Variants in SYNE2 observed in about 807,000 individuals in gnomAD.
SYNE2 encodes nesprin-2.
A neutral mutation model predicts 856.3 loss-of-function variants in SYNE2; 431 were observed. The ratio of observed to expected loss-of-function variants is 0.50; its 90% CI spans 0.47 to 0.55. SYNE2 has a LOEUF of 0.55. Ranked by LOEUF, SYNE2 falls within the 20% of genes least tolerant of loss-of-function variation. The probability of loss-of-function intolerance (pLI) is 0.00; values close to 1 mark genes in which losing one functional copy is unlikely to be tolerated. For synonymous variants in SYNE2, 2,923 were observed against 2,872.3 expected, an observed-to-expected ratio of 1.02 and a Z score of -0.56; for missense variants, 8,129 against 8,023.2, an observed-to-expected ratio of 1.01 and a Z score of -0.50.
chr14:63,768,817 T>TC (rs1886785563), intron 1 of SYNE2, among the ~76,000 whole-genome samples: 1 of 152,084 alleles, frequency 6.6e-6, no homozygotes, highest in Non-Finnish European at 1.5e-5. Flanking sequence ...ATATCACTAG[T>TC]CTGGCTTCCA....
chr14:63,892,556 A>C (rs1015611829), intron 1 of SYNE2, among the ~76,000 whole-genome samples: 2 of 152,080 alleles, frequency 1.3e-5, no homozygotes, highest in African/African-American at 2.4e-5. Flanking sequence ...GAGAAAAAAA[A>C]AATGTCAAAA....
rs754592360 is a variant in SYNE2, at chr14:64,128,524, A to G, written c.13990A>G (p.Ser4664Gly). Reference protein sequence around the residue: ...TSLQQSLNEISGQSVAEQLQK... With the variant: ...TSLQQSLNEIGGQSVAEQLQK... ...TTTACAACAGTCTTTGAATGAAATC[A>G]GTGGGCAGAGTGTTGCTGAACAGCT... is the stretch of plus-strand genomic sequence containing the variant. Residue 4664 changes from serine (S) to glycine (G), a missense_variant, in exon 74 of 116, where the codon AGT becomes GGT. Physicochemically the swap from Ser to Gly is moderately conservative, Grantham distance 56. Coordinates refer to ENST00000555002, the MANE Select transcript of SYNE2 (RefSeq NM_182914.3). 3.0e-5 allele frequency: 48 copies of G among 1,609,558 alleles called. No individual in the cohort carries two copies. The highest frequency in any genetic ancestry group is 3.8e-5 in the Non-Finnish European group (45 of 1,175,900).
chr14:64,011,157 G>C (rs570463359), intron 32 of SYNE2, among the ~76,000 whole-genome samples: 70 of 152,316 alleles, frequency 4.6e-4, no homozygotes, highest in African/African-American at 1.6e-3. Flanking sequence ...TGTCAGGAAT[G>C]GCCCTTGTCT....
chr14:64,167,720 G>A (rs2098388520), intron 92 of SYNE2, 81 bp downstream of exon 92: 4 of 1,587,006 alleles, frequency 2.5e-6, no homozygotes, highest in African/African-American at 1.3e-5. Context: ...TAAAACACAG[G>A]GAGTGTACCT....
rs569092216 is a variant in SYNE2, at chr14:64,019,993, A to G, written c.5051A>G (p.Glu1684Gly). ...LTEEDRERLKEELQVHEQKTS... is the reference protein window; with the variant it reads ...LTEEDRERLKGELQVHEQKTS... ...ATCCTTTAAAATTACATGTTTTAGG[A>G]AGAATTACAAGTCCATGAACAAAAA... Residue 1684 changes from glutamate (E) to glycine (G), a missense_variant and splice_region_variant, in exon 35 of 116, where the codon GAA becomes GGA. This residue lies in a region of SYNE2 where 2,422 missense variants were observed against 2,357.4 expected (regional missense o/e 1.03). Coordinates refer to ENST00000555002, the MANE Select transcript of SYNE2 (RefSeq NM_182914.3). The G allele has an allele frequency of 2.0e-5, 32 of 1,596,336 alleles. No homozygotes were observed. In the African/African-American group the frequency reaches 3.2e-4, roughly 16 times the overall value.
chr14:64,212,662 CT>C (rs1462487767), intron 104 of SYNE2, 148 bp from the exon 105 acceptor site: 3 of 748,624 alleles, frequency 4.0e-6, no homozygotes, highest in Non-Finnish European at 6.9e-6. Flanking sequence ...GTCATTGTCA[CT>C]TAGTTAAAAA....
chr14:64,002,931 G>A lies in SYNE2; in HGVS notation c.3998G>A (p.Arg1333Lys), dbSNP rs368040915. ...KALEDFLASLRTAKLSAEPVT... is the reference protein window; with the variant it reads ...KALEDFLASLKTAKLSAEPVT... ...CTGGAAGACTTTTTGGCGTCTCTCA[G>A]AACAGCTAAACTCTCTGCTGAGCCC... Residue 1333 changes from arginine to lysine, a missense_variant, in exon 30 of 116, where the codon AGA becomes AAA. Transcript: ENST00000555002. The A allele has an allele frequency of 3.7e-6, 6 of 1,614,034 alleles. No homozygotes were observed. The African/African-American group carries it at 8.0e-5, about 22-fold the overall frequency.
intron 13 of SYNE2, among the ~76,000 whole-genome samples, chr14:63,978,402 A>G (rs924167351): frequency 6.6e-6 from 1 of 152,250 alleles, no homozygotes; most frequent in Non-Finnish European, 1.5e-5. Context: ...TACAAACTGT[A>G]AAATACTACA....
At chr14:63,884,460 C>G (rs1033470165) in intron 1 of SYNE2, among the ~76,000 whole-genome samples, 4 of 152,084 alleles carry the variant, frequency 2.6e-5, no homozygotes, top group African/African-American at 4.8e-5. Flanking sequence ...GAAAGCGGTA[C>G]TGTAAGGAGC....
Position 64,214,295 on chromosome 14 carries a change from A to G in SYNE2, c.19158A>G (p.Glu6386=). The change falls in exon 106 of 116, where the codon GAA becomes GAG. Residue 6386 remains glutamate (E), a synonymous_variant. Coordinates refer to ENST00000555002, the MANE Select transcript of SYNE2 (RefSeq NM_182914.3). The stretch of plus-strand genomic sequence containing the variant: ...GGCGTAAACGGGGAGAGAGCGAGGA[A>G]CCGTCATCTCCTCAGTCCCTGTGTC... ...DSWRKRGESE[E]PSSPQSLCHL... is the part of the protein sequence containing the mutation. The G allele has an allele frequency of 6.2e-7, 1 of 1,614,076 alleles. No homozygotes were observed. The highest frequency in any genetic ancestry group is 8.5e-7 in the Non-Finnish European group (1 of 1,180,014).
rs558241458 is a variant in SYNE2, at chr14:64,167,051, G to A, written c.16606-182G>A. ...GTGTTGCAGGTTGGTATTCTAGAAGGCACAGCATTGAGATAGCTGAATTCA... is the reference window on the plus strand; with the variant it reads ...GTGTTGCAGGTTGGTATTCTAGAAGACACAGCATTGAGATAGCTGAATTCA... On this transcript the variant is annotated intron_variant, in intron 90 of 115. Transcript: ENST00000555002. 22 of 683,350 alleles carry A rather than the reference G, an allele frequency of 3.2e-5. No individual in the cohort carries two copies. The South Asian group carries it at 3.9e-4, about 12-fold the overall frequency. 42.3% of individuals were successfully genotyped at this position (683,350 alleles called of 1,614,324 possible).
At chr14:64,140,120 A>G in intron 80 of SYNE2, 47 bp downstream of exon 80, 2 of 1,576,206 alleles carry the variant, frequency 1.3e-6, no homozygotes, top group Non-Finnish European at 1.7e-6. Context: ...TCAGAAATAA[A>G]TATCAAGGAA....
intron 2 of SYNE2, among the ~76,000 whole-genome samples, chr14:63,919,865 C>T (rs552872152): frequency 1.3e-5 from 2 of 151,778 alleles, no homozygotes; most frequent in East Asian, 3.9e-4. Flanking sequence ...CCTGACTCTG[C>T]ATTGAGGAGA....
intron 1 of SYNE2, among the ~76,000 whole-genome samples, chr14:63,824,549 G>T (rs2183518): frequency 6.6e-5 from 10 of 151,558 alleles, no homozygotes; most frequent in Admixed American, 2.0e-4. Context: ...TGAGGCAGGA[G>T]AATTGCTTGA....
chr14:63,844,272 T>A (rs188526897), intron 1 of SYNE2, among the ~76,000 whole-genome samples: 48 of 152,332 alleles, frequency 3.2e-4, no homozygotes, highest in Non-Finnish European at 4.4e-5. Flanking sequence ...CTTGGAGTCA[T>A]ACAGTACGTG....
intron 106 of SYNE2, 23 bp from the exon 107 acceptor site, chr14:64,215,263 C>T (rs764686975): frequency 3.1e-6 from 5 of 1,611,800 alleles, no homozygotes; most frequent in South Asian, 1.1e-5. Flanking sequence ...TCCAGTGAGG[C>T]AAATGACATT....
Position 63,995,050 on chromosome 14 carries a change from C to A in SYNE2, c.2788C>A (p.His930Asn), listed in dbSNP as rs1388817680. ...CCTTTGATTTTTTTTGTAGTCTCTT[C>A]ATCATGAACTGTCTTTATATGTTCA... The part of the protein sequence containing the change: ...RDVCAKWESL[H>N]HELSLYVQQL... Residue 930 changes from histidine (H) to asparagine (N), a missense_variant, in exon 23 of 116, where the codon CAT (histidine) becomes AAT (asparagine). Around this residue, in one of 3 missense-constraint regions of SYNE2, gnomAD observed 2,422 missense variants for 2,357.4 expected, o/e 1.03. Transcript: ENST00000555002. 1 of 1,532,934 alleles carries A rather than the reference C, an allele frequency of 6.5e-7. No individual in the cohort carries two copies. Among genetic ancestry groups the A allele is most frequent in the Non-Finnish European group, 8.9e-7 (1 of 1,118,646 alleles). The allele number at this position is 1,532,934 out of a possible 1,614,324, so 95.0% of individuals were successfully genotyped here.
chr14:63,902,732 C>T lies in SYNE2; in HGVS notation c.-51-6366C>T, dbSNP rs2095355679. Among the ~76,000 whole-genome samples, 3 of 151,146 alleles carry T rather than the reference C, an allele frequency of 2.0e-5. No individual in the cohort carries two copies. The South Asian group carries it at 6.3e-4, about 32-fold the overall frequency. On this transcript the variant is annotated intron_variant, in intron 1 of 115. Transcript: ENST00000555002. ...TTTTGGAGACAAGGTCTTGCTTTGT[C>T]ACCCAGGCTGGAGTGCAGCGGCATG...
chr14:63,869,495 A>ATG (rs1896296557), intron 1 of SYNE2, among the ~76,000 whole-genome samples: 1 of 151,594 alleles, frequency 6.6e-6, no homozygotes, highest in Non-Finnish European at 1.5e-5. Flanking sequence ...GGTGGCGGGC[A>ATG]CCTGTAATCC....
Sources: gnomAD v4.1 joint callset for allele counts (sites outside exome capture counted in the v4.1 genomes callset) on GRCh38, gnomAD v4.1.1 for gene constraint, gnomAD v4.1.1 regional missense constraint, MANE v1.5 for transcripts, NCBI Gene and HGNC (gene_info 2026-07-23, HGNC 2026-07-21) for gene names.